SPRING1: variants seen among roughly 807,000 people sequenced by gnomAD.
SPRING1 encodes the protein SREBP regulating gene protein.
In SPRING1, 14 loss-of-function variants were observed where a neutral mutation model predicts 24.7. The ratio of observed to expected loss-of-function variants is 0.57; its 90% confidence interval spans 0.37 to 0.88. The LOEUF is 0.88. SPRING1 is among the 40% of genes least tolerant of loss of function. The probability of loss-of-function intolerance (pLI) is 0.00; values close to 1 mark genes in which losing one functional copy is unlikely to be tolerated. For synonymous variants in SPRING1, 93 were observed against 106.1 expected, an observed-to-expected ratio of 0.88 and a Z score of 0.76; for missense variants, 255 against 268.4, an observed-to-expected ratio of 0.95 and a Z score of 0.35.
At position 116,710,266 on chromosome 12, in the gene SPRING1, G is replaced by A. The variant is rs756160537; in HGVS notation, c.*7544C>T. 6.6e-6 allele frequency: 1 copy of A among 152,220 alleles called. No homozygotes were observed. Among genetic ancestry groups the A allele is most frequent in the Non-Finnish European group, 1.5e-5 (1 of 68,038 alleles). 9.4% of individuals were successfully genotyped at this position (152,220 alleles called of 1,614,324 possible). A position where few individuals can be genotyped will look rare whatever the true frequency, so the allele number is the denominator to read the frequency against. On this transcript the variant is annotated 3_prime_UTR_variant, in exon 5 of 5. Coordinates refer to ENST00000261318, the MANE Select transcript of SPRING1 (RefSeq NM_024738.4). Reference sequence around the variant, plus strand: ...TACAAAATACAGGCAAAACGCTCCAGCGGAACTTTAATTAGTGGTTATCTC... The same window carrying A: ...TACAAAATACAGGCAAAACGCTCCAACGGAACTTTAATTAGTGGTTATCTC...
In SPRING1 at chr12:116,728,318, T is replaced by C. The variant is rs1414144811; in HGVS notation, c.112-5095A>G. Among the ~76,000 whole-genome samples the C allele has an allele frequency of 1.3e-5, 2 of 152,348 alleles. No individual in the cohort carries two copies. Among genetic ancestry groups the C allele is most frequent in the Non-Finnish European group, 2.9e-5 (2 of 68,034 alleles). On this transcript the variant is annotated intron_variant, in intron 1 of 4. Coordinates refer to ENST00000261318, the MANE Select transcript of SPRING1 (RefSeq NM_024738.4). The surrounding 1 kb of genome is among the most constrained non-coding windows in gnomAD (Gnocchi z 4.2). ...TACCCGCTAGTGGAATATAGGCTCT[T>C]GGAGGGGAGAGACGTCATCTGCTTT...
rs952464715 is a variant in SPRING1 at position 116,710,234 on chromosome 12, G to A, written c.*7576C>T. 9.2e-5 allele frequency: 14 copies of A among 152,164 alleles called. No individual in the cohort carries two copies. The highest frequency in any genetic ancestry group is 1.9e-4 in the East Asian group (1 of 5,202). The allele number at this position is 152,164 out of a possible 1,614,324, so 9.4% of individuals were successfully genotyped here. A position where few individuals can be genotyped will look rare whatever the true frequency, so the allele number is the denominator to read the frequency against. ...ATTTACATACAAATACAAAATCCAC[G>A]TTTATATACAAAATACAGGCAAAAC... On this transcript the variant is annotated 3_prime_UTR_variant, in exon 5 of 5. Coordinates refer to ENST00000261318, the MANE Select transcript of SPRING1 (RefSeq NM_024738.4).
rs1396210269 is a variant in SPRING1, at chr12:116,723,129, C to T, written c.206G>A (p.Ser69Asn). Reference protein sequence around the residue: ...WKVQFNLGNSSRPSNQCRNSI... With the variant: ...WKVQFNLGNSNRPSNQCRNSI... ...GTTGCGGCACTGATTGCTCGGACGA[C>T]TGCTATTGCCCAAGTTAAACTGCAC... The change falls in exon 2 of 5, where the codon AGT becomes AAT. Residue 69 changes from serine to asparagine, a missense_variant. Physicochemically the swap from Ser to Asn is conservative, Grantham distance 46 (BLOSUM62 1). Coordinates refer to ENST00000261318, the MANE Select transcript of SPRING1 (RefSeq NM_024738.4). The T allele has an allele frequency of 6.2e-7, 1 of 1,613,292 alleles. No homozygotes were observed. Among genetic ancestry groups the T allele is most frequent in the East Asian group, 2.2e-5 (1 of 44,888 alleles).
intron 1 of SPRING1, among the ~76,000 whole-genome samples, chr12:116,724,854 A>C (rs903291419): frequency 6.6e-6 from 1 of 152,218 alleles, no homozygotes; most frequent in Admixed American, 6.5e-5. Context: ...ATAAAAACAA[A>C]TTCTGATTCC....
rs745638178 is a variant in SPRING1 at position 116,717,919 on chromosome 12, G to A, written c.535-26C>T. ...CTGTTGGCAAAAGGAAAATAAGAGC[G>A]CAGTGAGAGCGAGCACAGCTTCACA... On this transcript the variant is annotated intron_variant, in intron 4 of 4. Transcript: ENST00000261318. This position sits in a 1 kb window ranked among gnomAD's most constrained non-coding sequence, Gnocchi z 4.2. The A allele has an allele frequency of 1.9e-5, 30 of 1,554,400 alleles. No individual in the cohort carries two copies. The highest frequency in any genetic ancestry group is 7.0e-5 in the South Asian group (6 of 85,350).
At chr12:116,722,756 G>C (rs1407437780) in intron 2 of SPRING1, among the ~76,000 whole-genome samples, 1 of 152,152 alleles carries the variant, frequency 6.6e-6, no homozygotes, top group Non-Finnish European at 1.5e-5. Context: ...TTGGCAAGAT[G>C]GGGAAATAGT....
chr12:116,735,488 T>G (rs149288204), intron 1 of SPRING1, among the ~76,000 whole-genome samples: 1 of 152,094 alleles, frequency 6.6e-6, no homozygotes, highest in Non-Finnish European at 1.5e-5. Flanking sequence ...TCCCAGCACT[T>G]TGGGAGGCCG....
Position 116,720,467 on chromosome 12 carries a change from C to T in SPRING1, c.269-20G>A. On this transcript the variant is annotated intron_variant, in intron 2 of 4. Coordinates refer to ENST00000261318, the MANE Select transcript of SPRING1 (RefSeq NM_024738.4). This position sits in a 1 kb window ranked among gnomAD's most constrained non-coding sequence, Gnocchi z 4.0. Reference sequence around the variant, plus strand: ...CGTAGCCTGAAAGTCAGAGACCAACCTTAGCATAAAACCAGCAGCCTTGCC... The same window carrying T: ...CGTAGCCTGAAAGTCAGAGACCAACTTTAGCATAAAACCAGCAGCCTTGCC... 1 of 1,612,222 alleles carries T rather than the reference C, an allele frequency of 6.2e-7. No individual in the cohort carries two copies. Among genetic ancestry groups the T allele is most frequent in the Middle Eastern group, 1.7e-4 (1 of 6,038 alleles).
Position 116,737,888 on chromosome 12 carries a change from C to G in SPRING1, c.13G>C (p.Ala5Pro). Residue 5 changes from alanine (A) to proline (P), a missense_variant, in exon 1 of 5, where the codon GCG (alanine) becomes CCG (proline). Ala to Pro is a conservative substitution (Grantham distance 27). Coordinates refer to ENST00000261318, the MANE Select transcript of SPRING1 (RefSeq NM_024738.4). ...AGAAGCCGGCGCCACACCATGGCCG[C>G]CAGGTTCACCATCCCGGCGCGGACG... MVNL[A>P]AMVWRRLLRK... is the part of the protein sequence containing the mutation. 1 of 1,562,380 alleles carries G rather than the reference C, an allele frequency of 6.4e-7. No individual in the cohort carries two copies. Among genetic ancestry groups the G allele is most frequent in the Non-Finnish European group, 8.7e-7 (1 of 1,155,998 alleles).
At chr12:116,718,239 T>C (rs140894568) in intron 4 of SPRING1, among the ~76,000 whole-genome samples, 133 of 152,344 alleles carry the variant, frequency 8.7e-4, no homozygotes, top group African/African-American at 3.1e-3. Flanking sequence ...AATGGGTGTT[T>C]TGCACCTGAT....
rs766590101 is a variant in SPRING1 at position 116,720,253 on chromosome 12, G to A, written c.420+43C>T. The A allele has an allele frequency of 1.5e-5, 23 of 1,557,716 alleles. No homozygotes were observed. The highest frequency in any genetic ancestry group is 1.7e-4 in the Middle Eastern group (1 of 5,780). The stretch of plus-strand genomic sequence containing the variant: ...TAATGCTCATCATAAAACAGAGGCC[G>A]AAAGAAAAAAGGAGCCGCAGAACCA... On this transcript the variant is annotated intron_variant, in intron 3 of 4. Coordinates refer to ENST00000261318, the MANE Select transcript of SPRING1 (RefSeq NM_024738.4). The surrounding 1 kb of genome is among the most constrained non-coding windows in gnomAD (Gnocchi z 4.0).
At position 116,714,848 on chromosome 12, in the gene SPRING1, G is replaced by A. The variant is rs1255880683; in HGVS notation, c.*2962C>T. 6.7e-6 allele frequency: 1 copy of A among 149,934 alleles called. No individual in the cohort carries two copies. The highest frequency in any genetic ancestry group is 2.5e-5 in the African/African-American group (1 of 40,666). The allele number at this position is 149,934 out of a possible 1,614,324, so 9.3% of individuals were successfully genotyped here. ...AGCATTGCCAGATCCCAGGCCCTGT[G>A]GAAGGTATTTCCCTCCCTCTTTTGT... On this transcript the variant is annotated 3_prime_UTR_variant, in exon 5 of 5. Coordinates refer to ENST00000261318, the MANE Select transcript of SPRING1 (RefSeq NM_024738.4).
rs1337038937 is a variant in SPRING1, at chr12:116,713,043, C to T, written c.*4767G>A. The T allele has an allele frequency of 6.6e-6, 1 of 152,298 alleles. No homozygotes were observed. The highest frequency in any genetic ancestry group is 1.5e-5 in the Non-Finnish European group (1 of 68,124). 9.4% of individuals were successfully genotyped at this position (152,298 alleles called of 1,614,324 possible). Reference sequence around the variant, plus strand: ...GAGATATGACCCCAGAGCAGGGCTTCCCTCCCTCCACCCGGCTCCCACTTC... The same window carrying T: ...GAGATATGACCCCAGAGCAGGGCTTTCCTCCCTCCACCCGGCTCCCACTTC... On this transcript the variant is annotated 3_prime_UTR_variant, in exon 5 of 5. Transcript: ENST00000261318.
In SPRING1 at chr12:116,723,208, T is replaced by C; in HGVS notation, c.127A>G (p.Arg43Gly). The change falls in exon 2 of 5, where the codon AGA becomes GGA. Residue 43 changes from arginine to glycine, a missense_variant. Physicochemically the swap from Arg to Gly is moderately radical, Grantham distance 125. Coordinates refer to ENST00000261318, the MANE Select transcript of SPRING1 (RefSeq NM_024738.4). ...TGAACCTGGAGGAGATTCCTATCTCTCACTGCCCTCTCCTCCTGCAAAGAA... is the reference window on the plus strand; with the variant it reads ...TGAACCTGGAGGAGATTCCTATCTCCCACTGCCCTCTCCTCCTGCAAAGAA... ...STFKQEERAV[R>G]DRNLLQVHDH... is the part of the protein sequence containing the mutation. 2 of 1,614,160 alleles carry C rather than the reference T, an allele frequency of 1.2e-6. No individual in the cohort carries two copies. The highest frequency in any genetic ancestry group is 1.7e-6 in the Non-Finnish European group (2 of 1,180,032).
chr12:116,725,957 C>T (rs180802550), intron 1 of SPRING1, among the ~76,000 whole-genome samples: 49 of 152,148 alleles, frequency 3.2e-4, no homozygotes, highest in Admixed American at 1.0e-3. Context: ...CGATTACCAA[C>T]ATTAAAGGCA....
rs1429401313 is a variant in SPRING1, at chr12:116,710,840, T to G, written c.*6970A>C. On this transcript the variant is annotated 3_prime_UTR_variant, in exon 5 of 5. Coordinates refer to ENST00000261318, the MANE Select transcript of SPRING1 (RefSeq NM_024738.4). ...TTTAACAGCCAGGGGGACTTTTGGC[T>G]TGTTACAAAAATTGGAATTTGGATC... 1 of 152,166 alleles carries G rather than the reference T, an allele frequency of 6.6e-6. No individual in the cohort carries two copies. Among genetic ancestry groups the G allele is most frequent in the Admixed American group, 6.5e-5 (1 of 15,274 alleles). The allele number at this position is 152,166 out of a possible 1,614,324, so 9.4% of individuals were successfully genotyped here.
Position 116,728,945 on chromosome 12 carries a change from G to A in SPRING1, c.112-5722C>T, listed in dbSNP as rs995881622. 6.6e-6 allele frequency among the ~76,000 whole-genome samples: 1 copy of A among 152,212 alleles called. No individual in the cohort carries two copies. The highest frequency in any genetic ancestry group is 1.5e-5 in the Non-Finnish European group (1 of 68,032). ...TAAAAATTACTGAGGACCTCAATAT[G>A]TGGGTTTATGTGAGTTATGGCTATT... is the stretch of plus-strand genomic sequence containing the variant. On this transcript the variant is annotated intron_variant, in intron 1 of 4. Coordinates refer to ENST00000261318, the MANE Select transcript of SPRING1 (RefSeq NM_024738.4). The surrounding 1 kb of genome is among the most constrained non-coding windows in gnomAD (Gnocchi z 4.2).
At chr12:116,727,657 T>G (rs1385587824) in intron 1 of SPRING1, among the ~76,000 whole-genome samples, 1 of 152,194 alleles carries the variant, frequency 6.6e-6, no homozygotes. Context: ...AATGGAAATT[T>G]TTAGTTATAA....
At chr12:116,737,533 AGG>A (rs1871306060) in intron 1 of SPRING1, among the ~76,000 whole-genome samples, 1 of 5,382 alleles carries the variant, frequency 1.9e-4, no homozygotes, top group South Asian at 7.6e-3. Context: ...AGGAAGGAGG[AGG>A]AAGGTGAGGA....
Sources: allele counts gnomAD v4.1 joint callset (sites outside exome capture counted in the v4.1 genomes callset), GRCh38; gene constraint gnomAD v4.1.1; non-coding constraint Gnocchi (gnomAD v3.1); transcripts MANE v1.5; gene names NCBI Gene and HGNC (gene_info 2026-07-23, HGNC 2026-07-21).